Variants in NOL8 observed in about 807,000 individuals in gnomAD.
NOL8 encodes the protein nucleolar protein Nop132.
A neutral mutation model predicts 116.1 loss-of-function variants in NOL8; 93 were observed. The ratio of observed to expected loss-of-function variants is 0.80; its 90% CI spans 0.68 to 0.95. The LOEUF (loss-of-function observed/expected upper bound fraction) is 0.95. Among genes scored for constraint, NOL8 ranks in the 40% least tolerant of loss-of-function variants. NOL8 has a pLI of 0.00. For synonymous variants in NOL8, 419 were observed against 469.0 expected (o/e 0.89, Z 1.38); for missense variants, 1,291 against 1,382.8 (o/e 0.93, Z 1.05).
At position 92,314,457 on chromosome 9, in the gene NOL8, G is replaced by A; in HGVS notation, c.2168C>T (p.Ser723Leu). The change falls in exon 7 of 17, where the codon TCA becomes TTA. Residue 723 changes from serine (S) to leucine (L), a missense_variant. Ser to Leu is a moderately radical substitution (Grantham distance 145). Transcript: ENST00000442668. Reference protein sequence around the residue: ...DSSGLTSLKKSPKVSSKDTRE... With the variant: ...DSSGLTSLKKLPKVSSKDTRE... Reference sequence around the variant, plus strand: ...AGTGTCCTTGGATGAGACCTTTGGTGATTTCTTGAGAGATGTGAGGCCGCT... The same window carrying A: ...AGTGTCCTTGGATGAGACCTTTGGTAATTTCTTGAGAGATGTGAGGCCGCT... 6.2e-7 allele frequency: 1 copy of A among 1,612,496 alleles called. No homozygotes were observed.
chr9:92,323,921 T>C (rs1840164901), intron 2 of NOL8, 102 bp downstream of exon 2: 4 of 1,270,934 alleles, frequency 3.1e-6, no homozygotes, highest in Non-Finnish European at 4.3e-6. Context: ...CTTAAAACTT[T>C]TGGTGTTCAG....
chr9:92,312,574 C>T (rs1481208515), intron 7 of NOL8, among the ~76,000 whole-genome samples: 1 of 151,238 alleles, frequency 6.6e-6, no homozygotes, highest in African/African-American at 2.4e-5. Context: ...CGCCTGTAAT[C>T]CCAACACTTT....
In NOL8 at chr9:92,324,849, A is replaced by G. The variant is rs1014044167; in HGVS notation, c.-49+457T>C. On this transcript the variant is annotated intron_variant, in intron 1 of 16. Coordinates refer to ENST00000442668, the MANE Select transcript of NOL8 (RefSeq NM_017948.6). Reference sequence around the variant, plus strand: ...GCCTGCATTGTACAAAGTAGTTTGCATGTTTCCCATTTTTCAGGAGAGCAG... The same window carrying G: ...GCCTGCATTGTACAAAGTAGTTTGCGTGTTTCCCATTTTTCAGGAGAGCAG... 3.3e-5 allele frequency: 5 copies of G among 152,214 alleles called. No homozygotes were observed. The South Asian group carries it at 1.0e-3, about 32-fold the overall frequency. The allele number at this position is 152,214 out of a possible 1,614,324, so 9.4% of individuals were successfully genotyped here. A position where few individuals can be genotyped will look rare whatever the true frequency, so the allele number is the denominator to read the frequency against.
chr9:92,309,466 G>A (rs1263583217), intron 10 of NOL8, among the ~76,000 whole-genome samples: 1 of 151,836 alleles, frequency 6.6e-6, no homozygotes, highest in Non-Finnish European at 1.5e-5. Context: ...GGAATGGTGA[G>A]GATTAAAATG....
At chr9:92,299,421 A>G (rs1837525380) in intron 14 of NOL8, among the ~76,000 whole-genome samples, 1 of 152,028 alleles carries the variant, frequency 6.6e-6, no homozygotes, top group African/African-American at 2.4e-5. Flanking sequence ...AAGGAAACAC[A>G]CTCTCCATTA....
intron 3 of NOL8, among the ~76,000 whole-genome samples, chr9:92,322,271 G>A (rs746786968): frequency 2.0e-5 from 3 of 152,176 alleles, no homozygotes; most frequent in South Asian, 2.1e-4. Context: ...TTACTATGCC[G>A]TAGTAATTGA....
rs972338908 is a variant in NOL8, at chr9:92,310,159, T to C, written c.2686+12A>G. On this transcript the variant is annotated intron_variant, in intron 10 of 16. Transcript: ENST00000442668. ...GATATGACATCAGGACTCTGGACAA[T>C]GAAGCATTTACCTTCCTGTTCCTCT... 1 of 1,586,520 alleles carries C rather than the reference T, an allele frequency of 6.3e-7. No homozygotes were observed. Among genetic ancestry groups the C allele is most frequent in the African/African-American group, 1.3e-5 (1 of 74,588 alleles).
At chr9:92,308,462 GT>G (rs1383396713) in intron 10 of NOL8, among the ~76,000 whole-genome samples, 1 of 152,182 alleles carries the variant, frequency 6.6e-6, no homozygotes, top group Non-Finnish European at 1.5e-5. Flanking sequence ...AGAAGAGCTG[GT>G]TTGGACTTGC....
chr9:92,313,880 T>C (rs1455451530), intron 7 of NOL8, among the ~76,000 whole-genome samples: 1 of 152,204 alleles, frequency 6.6e-6, no homozygotes, highest in Non-Finnish European at 1.5e-5. Context: ...AAAAACTGTA[T>C]GAAAGGCAAG....
chr9:92,301,936 A>G, intron 12 of NOL8, 114 bp from the exon 13 acceptor site: 1 of 814,402 alleles, frequency 1.2e-6, no homozygotes, highest in Non-Finnish European at 1.8e-6. Flanking sequence ...ATCAACAACC[A>G]GAATATAAAA....
At chr9:92,308,698 T>C (rs1356269387) in intron 10 of NOL8, among the ~76,000 whole-genome samples, 3 of 152,114 alleles carry the variant, frequency 2.0e-5, no homozygotes, top group Admixed American at 2.0e-4. Context: ...AACCAGGAAG[T>C]TATGATGCAA....
intron 4 of NOL8, chr9:92,320,028 C>G (rs1839792587): frequency 2.2e-6 from 1 of 455,196 alleles, no homozygotes; most frequent in East Asian, 6.9e-5. Context: ...TTTCCCCTTT[C>G]AATTTATATA....
In NOL8 at chr9:92,323,373, A is replaced by C. The variant is rs868444506; in HGVS notation, c.202+68T>G. The C allele has an allele frequency of 9.1e-6, 14 of 1,541,200 alleles. No individual in the cohort carries two copies. In the African/African-American group the frequency reaches 1.5e-4, roughly 17 times the overall value. On this transcript the variant is annotated intron_variant, in intron 3 of 16. Transcript: ENST00000442668. The stretch of plus-strand genomic sequence containing the variant: ...ATGGCTGTGGAGGTTTAGATTTAGA[A>C]CCAGTTATTCCAAGTTACAGAGTCA...
In NOL8 at chr9:92,316,122, G is replaced by T; in HGVS notation, c.503C>A (p.Pro168His). 6.2e-7 allele frequency: 1 copy of T among 1,612,768 alleles called. No homozygotes were observed. Among genetic ancestry groups the T allele is most frequent in the Non-Finnish European group, 8.5e-7 (1 of 1,179,318 alleles). ...CTTCAGGTTGTGGCAGTATTTTGAG[G>T]GATCATATTTGATGATGTTACGCAA... ...QHKRKIIKYD[P>H]SKYCHNLKKI... Residue 168 changes from proline to histidine, a missense_variant, in exon 7 of 17, where the codon CCC becomes CAC. By Grantham distance (77) the Pro-to-His change is moderately conservative. Coordinates refer to ENST00000442668, the MANE Select transcript of NOL8 (RefSeq NM_017948.6).
chr9:92,312,645 G>A (rs1838924650), intron 7 of NOL8, among the ~76,000 whole-genome samples: 2 of 150,562 alleles, frequency 1.3e-5, no homozygotes, highest in Non-Finnish European at 3.0e-5. Context: ...TGGCCAACAT[G>A]GTGAAACCCC....
Position 92,301,879 on chromosome 9 carries a change from C to T in NOL8, c.2904-57G>A, listed in dbSNP as rs1342988546. 6.9e-6 allele frequency: 10 copies of T among 1,449,970 alleles called. No homozygotes were observed. In the Admixed American group the frequency reaches 2.6e-4, roughly 38 times the overall value. 89.8% of individuals were successfully genotyped at this position (1,449,970 alleles called of 1,614,324 possible). A position where few individuals can be genotyped will look rare whatever the true frequency, so the allele number is the denominator to read the frequency against. ...AAAGAAACAAGTTTTGGGAAATTTC[C>T]AGAAATCAAGAAAAGAAAAAATCTT... On this transcript the variant is annotated intron_variant, in intron 12 of 16. Transcript: ENST00000442668.
chr9:92,300,199 C>A (rs1587941435), intron 13 of NOL8, 183 bp from the exon 14 acceptor site: 1 of 1,257,422 alleles, frequency 8.0e-7, no homozygotes, highest in Non-Finnish European at 1.0e-6. Flanking sequence ...CAAATATTTT[C>A]AGAAGCCACT....
chr9:92,321,679 G>A lies in NOL8; in HGVS notation c.270C>T (p.Ser90=). 6.5e-7 allele frequency: 1 copy of A among 1,532,270 alleles called. No homozygotes were observed. The highest frequency in any genetic ancestry group is 8.8e-7 in the Non-Finnish European group (1 of 1,140,926). 94.9% of individuals were successfully genotyped at this position (1,532,270 alleles called of 1,614,324 possible). ...GTLQIQLAKE[S]FLHRLAQERE... ...GGAGCAAAACTTACCTGTGCAGAAA[G>A]CTTTCTTTTGCTAGTTGAATTTGTA... The change falls in exon 4 of 17, where the codon AGC becomes AGT. Residue 90 remains serine, a synonymous_variant. Transcript: ENST00000442668.
chr9:92,302,166 C>T (rs1485805640), intron 12 of NOL8, among the ~76,000 whole-genome samples: 1 of 152,124 alleles, frequency 6.6e-6, no homozygotes, highest in African/African-American at 2.4e-5. Flanking sequence ...CCTCAGTTTT[C>T]TCATAGGCAA....
Sources: allele counts gnomAD v4.1 joint callset (sites outside exome capture counted in the v4.1 genomes callset), GRCh38; gene constraint gnomAD v4.1.1; transcripts MANE v1.5; gene names NCBI Gene and HGNC (gene_info 2026-07-23, HGNC 2026-07-21).